The following HSDL2 variants were observed in gnomAD, a reference collection of about 807,000 sequenced individuals.
HSDL2 encodes hydroxysteroid dehydrogenase-like protein 2.
Under a neutral mutation model 46.3 loss-of-function variants are expected in HSDL2, and 27 were observed. That is an observed-to-expected ratio of 0.58 (90% CI 0.43 to 0.80). HSDL2 has a LOEUF of 0.80. HSDL2 is among the 30% of genes least tolerant of loss of function. The pLI, the probability that HSDL2 is intolerant of heterozygous loss-of-function variation, is 0.00. For missense variants in HSDL2, 451 were observed against 502.7 expected (o/e 0.90, Z 0.98); for synonymous variants, 153 against 163.6 (o/e 0.94, Z 0.50).
intron 1 of HSDL2, among the ~76,000 whole-genome samples, chr9:112,385,448 C>A (rs12338121): frequency 0.017 from 2,537 of 149,842 alleles, 59 homozygotes; most frequent in African/African-American, 0.059. Context: ...CCTGCCTCAG[C>A]GTCCAGAGTA....
intron 1 of HSDL2, among the ~76,000 whole-genome samples, chr9:112,382,466 A>G (rs1831120388): frequency 1.3e-5 from 2 of 152,220 alleles, no homozygotes; most frequent in South Asian, 4.1e-4. Context: ...TTTTATCACA[A>G]GTGTGGATTT....
rs1217971829 is a variant in HSDL2 at position 112,408,961 on chromosome 9, A to G, written c.335A>G (p.Asp112Gly). The change falls in exon 4 of 11, where the codon GAC (aspartate) becomes GGC (glycine). Residue 112 changes from aspartate (D) to glycine (G), a missense_variant. Physicochemically the swap from Asp to Gly is moderately conservative, Grantham distance 94. Transcript: ENST00000398805. ...GCCATTAGTTTGACCAATACATTGGACACACCTACCAAGAGATTGGATCTG... is the reference window on the plus strand; with the variant it reads ...GCCATTAGTTTGACCAATACATTGGGCACACCTACCAAGAGATTGGATCTG... Reference protein sequence around the residue: ...ASAISLTNTLDTPTKRLDLMM... With the variant: ...ASAISLTNTLGTPTKRLDLMM... The G allele has an allele frequency of 6.2e-7, 1 of 1,608,614 alleles. No individual in the cohort carries two copies. Among genetic ancestry groups the G allele is most frequent in the Non-Finnish European group, 8.5e-7 (1 of 1,176,292 alleles).
intron 6 of HSDL2, among the ~76,000 whole-genome samples, chr9:112,426,432 C>T (rs1038928582): frequency 1.3e-5 from 2 of 152,190 alleles, no homozygotes; most frequent in South Asian, 2.1e-4. Flanking sequence ...GACAGGGTTT[C>T]GCCATTTTGG....
rs1349883066 is a variant in HSDL2, at chr9:112,380,333, CTG to C, written c.17+156_17+157del. ...TCTGAGCTCTGGTCCGCGCTGGGCA[CTG>C]TGCACCGAGAATCTGCGGTAACGTG... On this transcript the variant is annotated intron_variant, in intron 1 of 10. Coordinates refer to ENST00000398805, the MANE Select transcript of HSDL2 (RefSeq NM_032303.5). Among the ~76,000 whole-genome samples the C allele has an allele frequency of 4.6e-5, 7 of 152,168 alleles. No homozygotes were observed. The South Asian group carries it at 6.2e-4, about 14-fold the overall frequency.
chr9:112,405,601 T>C, intron 2 of HSDL2, 23 bp from the exon 3 acceptor site: 1 of 1,521,122 alleles, frequency 6.6e-7, no homozygotes, highest in Admixed American at 1.9e-5. Flanking sequence ...TAACGCTTTT[T>C]CATTTTGTAT....
Position 112,441,686 on chromosome 9 carries a change from G to A in HSDL2, c.794-13G>A, listed in dbSNP as rs1241631538. ...AGTTACATTAACCTAATGGTTTGGG[G>A]TCAATTTTTCAGGTCATCCTTTGCA... is the stretch of plus-strand genomic sequence containing the variant. On this transcript the variant is annotated splice_polypyrimidine_tract_variant and intron_variant, in intron 7 of 10. Transcript: ENST00000398805. The A allele has an allele frequency of 1.9e-6, 3 of 1,599,696 alleles. No homozygotes were observed. Among genetic ancestry groups the A allele is most frequent in the Admixed American group, 3.3e-5 (2 of 59,918 alleles).
intron 10 of HSDL2, among the ~76,000 whole-genome samples, chr9:112,465,122 A>T (rs935332735): frequency 1.3e-5 from 2 of 152,164 alleles, no homozygotes; most frequent in African/African-American, 4.8e-5. Flanking sequence ...ATAACATGCA[A>T]TTAGTCATTT....
chr9:112,389,763 G>A (rs1235844672), intron 1 of HSDL2, among the ~76,000 whole-genome samples: 2 of 152,124 alleles, frequency 1.3e-5, no homozygotes, highest in Non-Finnish European at 2.9e-5. Flanking sequence ...GTTAGATAAT[G>A]AGATTCTAAA....
rs1833566426 is a variant in HSDL2, at chr9:112,471,159, A to G, written c.*615A>G. On this transcript the variant is annotated 3_prime_UTR_variant, in exon 11 of 11. Transcript: ENST00000398805. ...ATTGCTGCATGTATTCCATTTAAAA[A>G]TATGTTTAAATTGTCCTAAAACAAA... 1 of 152,258 alleles carries G rather than the reference A, an allele frequency of 6.6e-6. No individual in the cohort carries two copies. The allele number at this position is 152,258 out of a possible 1,614,324, so 9.4% of individuals were successfully genotyped here.
At chr9:112,443,279 A>G (rs1193846708) in intron 8 of HSDL2, among the ~76,000 whole-genome samples, 1 of 152,360 alleles carries the variant, frequency 6.6e-6, no homozygotes, top group African/African-American at 2.4e-5. Flanking sequence ...TTATTCAACA[A>G]ATATTTACTG....
At chr9:112,428,380 T>C (rs2132657417) in intron 6 of HSDL2, among the ~76,000 whole-genome samples, 1 of 152,370 alleles carries the variant, frequency 6.6e-6, no homozygotes, top group East Asian at 1.9e-4. Flanking sequence ...TATGTTTCTG[T>C]AGCAGACAAT....
At chr9:112,406,597 A>C (rs1320239366) in intron 3 of HSDL2, among the ~76,000 whole-genome samples, 10 of 151,912 alleles carry the variant, frequency 6.6e-5, no homozygotes, top group Non-Finnish European at 1.0e-4. Context: ...CAGCCTCCCG[A>C]GTAGCTGGGA....
At chr9:112,387,870 A>G (rs552808048) in intron 1 of HSDL2, among the ~76,000 whole-genome samples, 50 of 152,234 alleles carry the variant, frequency 3.3e-4, no homozygotes, top group Admixed American at 5.9e-4. Flanking sequence ...ATCCAAAATG[A>G]GCATTCAGCC....
intron 10 of HSDL2, among the ~76,000 whole-genome samples, chr9:112,467,950 T>C (rs1833442487): frequency 6.6e-6 from 1 of 152,210 alleles, no homozygotes; most frequent in South Asian, 2.1e-4. Context: ...ATCTTCAATT[T>C]GGTGGCACAC....
chr9:112,411,439 C>T (rs552536171), intron 4 of HSDL2, among the ~76,000 whole-genome samples: 183 of 152,296 alleles, frequency 1.2e-3, no homozygotes, highest in South Asian at 3.7e-3. Flanking sequence ...CTTTGGGAGG[C>T]CAATGCAGGC....
At chr9:112,432,304 C>T (rs960012358) in intron 6 of HSDL2, among the ~76,000 whole-genome samples, 34 of 152,194 alleles carry the variant, frequency 2.2e-4, no homozygotes, top group Non-Finnish European at 8.8e-5. Flanking sequence ...TGTACATCCC[C>T]TTCACATCAC....
intron 8 of HSDL2, among the ~76,000 whole-genome samples, chr9:112,449,196 C>T (rs998604047): frequency 1.3e-5 from 2 of 150,336 alleles, no homozygotes; most frequent in Non-Finnish European, 2.9e-5. Context: ...AAGCAATTCT[C>T]ATGCCTCAGC....
chr9:112,380,291 A>G (rs1831053943), intron 1 of HSDL2, 111 bp downstream of exon 1: 1 of 1,040,920 alleles, frequency 9.6e-7, no homozygotes, highest in African/African-American at 1.7e-5. Flanking sequence ...GAGGTCAAGG[A>G]TACTGCCTGG....
intron 1 of HSDL2, among the ~76,000 whole-genome samples, chr9:112,393,615 C>T (rs1019159053): frequency 1.3e-5 from 2 of 152,140 alleles, no homozygotes; most frequent in African/African-American, 4.8e-5. Flanking sequence ...TGTAATTAGG[C>T]CCATGATCAC....
Sources: gnomAD v4.1 joint callset for allele counts (sites outside exome capture counted in the v4.1 genomes callset) on GRCh38, gnomAD v4.1.1 for gene constraint, MANE v1.5 for transcripts, NCBI Gene and HGNC (gene_info 2026-07-23, HGNC 2026-07-21) for gene names.